Variants in PAG1 observed in about 807,000 individuals in gnomAD.
PAG1 encodes the protein phosphoprotein membrane anchor with glycosphingolipid microdomains 1.
In PAG1, 23 loss-of-function variants were observed where a neutral mutation model predicts 31.7. The ratio of observed to expected loss-of-function variants is 0.73; its 90% CI spans 0.52 to 1.03. The LOEUF is 1.03. Ranked by LOEUF, PAG1 falls within the 50% of genes least tolerant of loss-of-function variation. PAG1 has a pLI of 0.00. For synonymous variants in PAG1, 214 were observed against 210.3 expected (o/e 1.02, Z -0.15); for missense variants, 473 against 540.7 (o/e 0.87, Z 1.24).
intron 3 of PAG1, among the ~76,000 whole-genome samples, chr8:81,003,893 G>A (rs1038537616): frequency 6.6e-6 from 1 of 152,170 alleles, no homozygotes; most frequent in Non-Finnish European, 1.5e-5. Flanking sequence ...GGCCACAGCA[G>A]TTAGGTGGAT....
At position 80,974,470 on chromosome 8, in the gene PAG1, A is replaced by G. The variant is rs1807143915; in HGVS notation, c.*2074T>C. 6.6e-6 allele frequency: 1 copy of G among 152,242 alleles called. No homozygotes were observed. Among genetic ancestry groups the G allele is most frequent in the Non-Finnish European group, 1.5e-5 (1 of 68,048 alleles). The allele number at this position is 152,242 out of a possible 1,614,324, so 9.4% of individuals were successfully genotyped here. ...TCTAATCCAAGGGTATTCTGCTGTG[A>G]TCTTCTAATCAGTGATGATTGTGCT... On this transcript the variant is annotated 3_prime_UTR_variant, in exon 9 of 9. Transcript: ENST00000220597.
intron 2 of PAG1, among the ~76,000 whole-genome samples, chr8:81,054,958 G>A (rs577214363): frequency 6.6e-6 from 1 of 151,952 alleles, no homozygotes; most frequent in Non-Finnish European, 1.5e-5. Flanking sequence ...AACCCAATGT[G>A]GCCATTATAA....
At chr8:81,020,038 A>G (rs1294591091) in intron 3 of PAG1, among the ~76,000 whole-genome samples, 3 of 152,146 alleles carry the variant, frequency 2.0e-5, no homozygotes, top group Non-Finnish European at 2.9e-5. Context: ...TGACTGCCCT[A>G]TTGAATTTTG....
intron 1 of PAG1, among the ~76,000 whole-genome samples, chr8:81,103,484 G>C (rs185210485): frequency 6.6e-6 from 1 of 152,276 alleles, no homozygotes; most frequent in African/African-American, 2.4e-5. Flanking sequence ...TATAACGGGA[G>C]TGATTCTACC....
At chr8:81,099,541 A>T (rs1483440244) in intron 1 of PAG1, among the ~76,000 whole-genome samples, 1 of 152,212 alleles carries the variant, frequency 6.6e-6, no homozygotes, top group Non-Finnish European at 1.5e-5. Context: ...GCAATATAAA[A>T]AAAATAAGGT....
chr8:81,063,080 T>A (rs1176754113), intron 2 of PAG1, among the ~76,000 whole-genome samples: 1 of 152,200 alleles, frequency 6.6e-6, no homozygotes, highest in Non-Finnish European at 1.5e-5. Flanking sequence ...TTCTTAGTCA[T>A]GAATAACTAT....
At chr8:81,069,745 C>T (rs1252709202) in intron 2 of PAG1, among the ~76,000 whole-genome samples, 1 of 152,186 alleles carries the variant, frequency 6.6e-6, no homozygotes, top group African/African-American at 2.4e-5. Context: ...ATGAGACTAT[C>T]CAATTATTAT....
intron 2 of PAG1, among the ~76,000 whole-genome samples, chr8:81,042,300 A>G (rs1225194975): frequency 6.6e-6 from 1 of 152,170 alleles, no homozygotes. Context: ...ATTACCTCAA[A>G]GGGTCAGTGT....
intron 1 of PAG1, among the ~76,000 whole-genome samples, chr8:81,071,231 C>T (rs1217956417): frequency 6.6e-6 from 1 of 152,178 alleles, no homozygotes; most frequent in Non-Finnish European, 1.5e-5. Flanking sequence ...AAGACATGAA[C>T]ACCCAGACTC....
At chr8:81,035,551 T>C (rs1024377595) in intron 2 of PAG1, among the ~76,000 whole-genome samples, 1 of 152,010 alleles carries the variant, frequency 6.6e-6, no homozygotes, top group African/African-American at 2.4e-5. Context: ...CAGTGGACTG[T>C]GGGGTAGGTT....
At chr8:81,051,728 A>T (rs1808731789) in intron 2 of PAG1, among the ~76,000 whole-genome samples, 1 of 152,380 alleles carries the variant, frequency 6.6e-6, no homozygotes, top group East Asian at 1.9e-4. Context: ...GATTTTATGT[A>T]AATATTTAGC....
At position 81,022,453 on chromosome 8, in the gene PAG1, A is replaced by G. The variant is rs1212557798; in HGVS notation, c.-81+7543T>C. Among the ~76,000 whole-genome samples the G allele has an allele frequency of 2.0e-5, 3 of 152,336 alleles. No homozygotes were observed. The East Asian group carries it at 5.8e-4, about 29-fold the overall frequency. On this transcript the variant is annotated intron_variant, in intron 3 of 8. Coordinates refer to ENST00000220597, the MANE Select transcript of PAG1 (RefSeq NM_018440.4). ...AGCAATGTCAATATTGCTGGAAAAT[A>G]ACGATGCTTATCTAAGTCATTCTGA...
chr8:81,062,439 G>GC (rs1251675011), intron 2 of PAG1, among the ~76,000 whole-genome samples: 8 of 152,194 alleles, frequency 5.3e-5, no homozygotes, highest in Non-Finnish European at 8.8e-5. Context: ...ATGCCTTTGG[G>GC]CTATGGGGCA....
intron 7 of PAG1, among the ~76,000 whole-genome samples, chr8:80,982,194 T>C (rs141182369): frequency 5.3e-5 from 8 of 152,300 alleles, no homozygotes; most frequent in Non-Finnish European, 1.2e-4. Context: ...CAAAATCTTT[T>C]AAAGAGTGGT....
chr8:80,981,698 ACTAGACCC>A (rs1807303790), intron 7 of PAG1, among the ~76,000 whole-genome samples: 1 of 151,852 alleles, frequency 6.6e-6, no homozygotes, highest in Non-Finnish European at 1.5e-5. Flanking sequence ...CTTCCTACAC[ACTAGACCC>A]TGTCTCCACA....
At chr8:81,107,070 G>A (rs987827757) in intron 1 of PAG1, among the ~76,000 whole-genome samples, 4 of 151,944 alleles carry the variant, frequency 2.6e-5, no homozygotes, top group African/African-American at 4.8e-5. Flanking sequence ...TGAGAATGAT[G>A]CAAGTATGTG....
In PAG1 at chr8:80,968,472, A is replaced by G. The variant is rs1266707062; in HGVS notation, c.*8072T>C. On this transcript the variant is annotated 3_prime_UTR_variant, in exon 9 of 9. Coordinates refer to ENST00000220597, the MANE Select transcript of PAG1 (RefSeq NM_018440.4). Reference sequence around the variant, plus strand: ...TTGTCCCACTTGAGAATTTAATTCAATAACTCTACACTTTTCCAATAAATA... The same window carrying G: ...TTGTCCCACTTGAGAATTTAATTCAGTAACTCTACACTTTTCCAATAAATA... The G allele has an allele frequency of 6.6e-6, 1 of 152,226 alleles. No individual in the cohort carries two copies. Among genetic ancestry groups the G allele is most frequent in the Non-Finnish European group, 1.5e-5 (1 of 68,036 alleles). 9.4% of individuals were successfully genotyped at this position (152,226 alleles called of 1,614,324 possible). A position where few individuals can be genotyped will look rare whatever the true frequency, so the allele number is the denominator to read the frequency against.
At chr8:81,006,258 T>C (rs1807875638) in intron 3 of PAG1, among the ~76,000 whole-genome samples, 1 of 152,236 alleles carries the variant, frequency 6.6e-6, no homozygotes, top group Admixed American at 6.5e-5. Context: ...TCTATATTTT[T>C]ATCTTGCATC....
chr8:81,000,522 T>G (rs185780347), intron 3 of PAG1, among the ~76,000 whole-genome samples: 1 of 152,120 alleles, frequency 6.6e-6, no homozygotes, highest in Non-Finnish European at 1.5e-5. Flanking sequence ...CTGAATCGAT[T>G]GTAAGGACTC....
Sources: allele counts gnomAD v4.1 joint callset (sites outside exome capture counted in the v4.1 genomes callset), GRCh38; gene constraint gnomAD v4.1.1; transcripts MANE v1.5; gene names NCBI Gene and HGNC (gene_info 2026-07-23, HGNC 2026-07-21).